The following UCK2 variants were observed in gnomAD, a reference collection of about 807,000 sequenced individuals.
UCK2 encodes cytidine monophosphokinase 2.
UCK2 carries 6 observed loss-of-function variants against 30.8 expected under a neutral mutation model. The ratio of observed to expected loss-of-function variants is 0.19; its 90% CI spans 0.11 to 0.38. The LOEUF is 0.38. Ranked by LOEUF, UCK2 falls within the 10% of genes least tolerant of loss-of-function variation. The pLI, the probability that UCK2 is intolerant of heterozygous loss-of-function variation, is 1.00. For synonymous variants in UCK2, 125 were observed against 133.6 expected, an observed-to-expected ratio of 0.94 and a Z score of 0.45; for missense variants, 210 against 339.8, an observed-to-expected ratio of 0.62 and a Z score of 3.00.
At position 165,851,989 on chromosome 1, in the gene UCK2, G is replaced by A. The variant is rs553888655; in HGVS notation, c.99+24057G>A. 2.6e-5 allele frequency among the ~76,000 whole-genome samples: 4 copies of A among 152,252 alleles called. No homozygotes were observed. The South Asian group carries it at 8.3e-4, about 32-fold the overall frequency. ...TTCTTTATCCATTCTATCATTGATGGGCATCTGGGTTGGTTCTAAGTCTTT... is the reference window on the plus strand; with the variant it reads ...TTCTTTATCCATTCTATCATTGATGAGCATCTGGGTTGGTTCTAAGTCTTT... On this transcript the variant is annotated intron_variant, in intron 1 of 6. Coordinates refer to ENST00000367879, the MANE Select transcript of UCK2 (RefSeq NM_012474.5).
chr1:165,903,274 T>C lies in UCK2; in HGVS notation c.592T>C (p.Leu198=), dbSNP rs1221512669. Residue 198 remains leucine, a synonymous_variant, in exon 5 of 7, where the codon TTG becomes CTG. Coordinates refer to ENST00000367879, the MANE Select transcript of UCK2 (RefSeq NM_012474.5). ...FVKPAFEEFC[L]PTKKYADVII... is the part of the protein sequence containing the mutation. ...CAAGCCTGCCTTTGAGGAATTCTGC[T>C]TGCCAGTGAGTTGTGTTCTTGGTTT... The C allele has an allele frequency of 6.2e-7, 1 of 1,613,546 alleles. No homozygotes were observed. Among genetic ancestry groups the C allele is most frequent in the Non-Finnish European group, 8.5e-7 (1 of 1,179,678 alleles).
rs568284917 is a variant in UCK2 at position 165,846,927 on chromosome 1, A to G, written c.99+18995A>G. ...CCTGTATGCGGGGGCACCTGTTCAT[A>G]TTAAATCTCATGTTGTGGTGTGACA... On this transcript the variant is annotated intron_variant, in intron 1 of 6. Transcript: ENST00000367879. Among the ~76,000 whole-genome samples the G allele has an allele frequency of 2.0e-5, 3 of 152,292 alleles. No individual in the cohort carries two copies. The South Asian group carries it at 6.2e-4, about 32-fold the overall frequency.
At chr1:165,863,742 G>C (rs1278076635) in intron 1 of UCK2, among the ~76,000 whole-genome samples, 1 of 152,174 alleles carries the variant, frequency 6.6e-6, no homozygotes, top group East Asian at 1.9e-4. Flanking sequence ...ACCTCTAGCA[G>C]GGTGCTCTAG....
At chr1:165,905,260 A>G (rs1647611332) in intron 5 of UCK2, among the ~76,000 whole-genome samples, 1 of 152,200 alleles carries the variant, frequency 6.6e-6, no homozygotes, top group Non-Finnish European at 1.5e-5. Flanking sequence ...AGGTGGGTGG[A>G]TCGCTTGAGC....
intron 6 of UCK2, 96 bp from the exon 7 acceptor site, chr1:165,907,588 T>C (rs894887926): frequency 1.3e-6 from 2 of 1,496,986 alleles, no homozygotes; most frequent in Admixed American, 4.4e-5. Context: ...GTCTTTCTAC[T>C]GTGGTTCCTG....
rs555542332 is a variant in UCK2 at position 165,900,282 on chromosome 1, T to C, written c.500-2900T>C. ...GTAATCATCATAGAACACATGCTTA[T>C]TGAACATGTGCTAAGGTGCCAGCTA... On this transcript the variant is annotated intron_variant, in intron 4 of 6. Transcript: ENST00000367879. The C allele has an allele frequency of 2.0e-5, 3 of 152,356 alleles. No homozygotes were observed. In the East Asian group the frequency reaches 5.8e-4, roughly 29 times the overall value. 9.4% of individuals were successfully genotyped at this position (152,356 alleles called of 1,614,324 possible). A position where few individuals can be genotyped will look rare whatever the true frequency, so the allele number is the denominator to read the frequency against.
chr1:165,833,699 C>G (rs1359910780), intron 1 of UCK2, among the ~76,000 whole-genome samples: 2 of 151,968 alleles, frequency 1.3e-5, no homozygotes, highest in African/African-American at 4.8e-5. Context: ...AAGACCTGAC[C>G]TTTTTTGCTA....
chr1:165,898,955 A>G (rs1425338248), intron 4 of UCK2, among the ~76,000 whole-genome samples: 1 of 152,172 alleles, frequency 6.6e-6, no homozygotes, highest in Non-Finnish European at 1.5e-5. Flanking sequence ...TCTGCATGCT[A>G]TTTCTACAAA....
chr1:165,827,768 A>ACGCGGG lies in UCK2; in HGVS notation c.-57_-52dup. 1.6e-6 allele frequency: 2 copies of ACGCGGG among 1,269,686 alleles called. No individual in the cohort carries two copies. Among genetic ancestry groups the ACGCGGG allele is most frequent in the Non-Finnish European group, 2.0e-6 (2 of 994,568 alleles). The allele number at this position is 1,269,686 out of a possible 1,614,324, so 78.7% of individuals were successfully genotyped here. ...GGCTGCGGAAAGCGGAGGGAGTCCG[A>ACGCGGG]CGCGGGCGCGGGCGGGGAGCGTGCG... is the stretch of plus-strand genomic sequence containing the variant. On this transcript the variant is annotated 5_prime_UTR_variant, in exon 1 of 7. Coordinates refer to ENST00000367879, the MANE Select transcript of UCK2 (RefSeq NM_012474.5).
intron 6 of UCK2, 116 bp from the exon 7 acceptor site, chr1:165,907,568 T>G (rs992763795): frequency 7.0e-7 from 1 of 1,431,330 alleles, no homozygotes; most frequent in African/African-American, 1.4e-5. Context: ...GCAGAGCCAC[T>G]TCCCTGGAAG....
intron 1 of UCK2, among the ~76,000 whole-genome samples, chr1:165,872,642 T>C (rs1655224268): frequency 6.6e-6 from 1 of 152,224 alleles, no homozygotes; most frequent in African/African-American, 2.4e-5. Flanking sequence ...AGACATAATT[T>C]ATGTCTGTCA....
intron 1 of UCK2, among the ~76,000 whole-genome samples, chr1:165,880,568 T>G (rs1326415019): frequency 8.3e-4 from 4 of 4,832 alleles, no homozygotes; most frequent in African/African-American, 3.7e-3. Flanking sequence ...TTTTTGGGGG[T>G]GTGTGTGTGT....
chr1:165,904,282 C>T (rs1231624690), intron 5 of UCK2: 1 of 152,190 alleles, frequency 6.6e-6, no homozygotes, highest in Admixed American at 6.5e-5. Context: ...CTAGCTTTTA[C>T]AGCAACCCAT....
At chr1:165,887,867 C>T (rs1655659836) in intron 1 of UCK2, among the ~76,000 whole-genome samples, 1 of 151,098 alleles carries the variant, frequency 6.6e-6, no homozygotes, top group Non-Finnish European at 1.5e-5. Flanking sequence ...TTTTACTGTT[C>T]TGTGATATTT....
At chr1:165,847,531 A>T (rs1215767703) in intron 1 of UCK2, among the ~76,000 whole-genome samples, 4 of 152,164 alleles carry the variant, frequency 2.6e-5, no homozygotes, top group African/African-American at 9.7e-5. Context: ...CATTTTCCTA[A>T]TTTGCATCAC....
chr1:165,847,309 C>T (rs1654474888), intron 1 of UCK2, among the ~76,000 whole-genome samples: 5 of 152,012 alleles, frequency 3.3e-5, no homozygotes, highest in African/African-American at 9.7e-5. Context: ...ATAAATAATT[C>T]AGAAAAGGCA....
rs923074351 is a variant in UCK2 at position 165,910,227 on chromosome 1, T to G, written c.*2404T>G. The G allele has an allele frequency of 1.3e-5, 2 of 152,244 alleles. No individual in the cohort carries two copies. The highest frequency in any genetic ancestry group is 2.9e-5 in the Non-Finnish European group (2 of 68,080). 9.4% of individuals were successfully genotyped at this position (152,244 alleles called of 1,614,324 possible). ...CGTGGCAGCCCAGCATTTGGCCAACTCTGTATCTGAACTTGAGCTTTCTAT... is the reference window on the plus strand; with the variant it reads ...CGTGGCAGCCCAGCATTTGGCCAACGCTGTATCTGAACTTGAGCTTTCTAT... On this transcript the variant is annotated 3_prime_UTR_variant, in exon 7 of 7. Transcript: ENST00000367879.
At position 165,899,382 on chromosome 1, in the gene UCK2, C is replaced by T. The variant is rs184199516; in HGVS notation, c.499+3050C>T. 2.4e-4 allele frequency among the ~76,000 whole-genome samples: 36 copies of T among 152,340 alleles called. No individual in the cohort carries two copies. In the East Asian group the frequency reaches 6.2e-3, roughly 26 times the overall value. On this transcript the variant is annotated intron_variant, in intron 4 of 6. Transcript: ENST00000367879. ...CTGACCCCTCATCTTCCTCATCCAT[C>T]ATTCTCTGGTTCTCATAGAATTAGG...
intron 3 of UCK2, among the ~76,000 whole-genome samples, chr1:165,892,950 A>C (rs1390403380): frequency 6.6e-6 from 1 of 152,176 alleles, no homozygotes; most frequent in African/African-American, 2.4e-5. Flanking sequence ...GTGGGAAGGC[A>C]GGCAGACCTC....
Sources: allele counts gnomAD v4.1 joint callset (sites outside exome capture counted in the v4.1 genomes callset), GRCh38; gene constraint gnomAD v4.1.1; transcripts MANE v1.5; gene names NCBI Gene and HGNC (gene_info 2026-07-23, HGNC 2026-07-21).